UCK2: variants seen among roughly 807,000 people sequenced by gnomAD.
UCK2 encodes the protein uridine-cytidine kinase 2, also known as cytidine monophosphokinase 2.
Under a neutral mutation model 30.8 loss-of-function variants are expected in UCK2, and 6 were observed. That is an observed-to-expected ratio of 0.19 (90% confidence interval 0.11 to 0.38). UCK2 has a LOEUF of 0.38. Ranked by LOEUF, UCK2 falls within the 10% of genes least tolerant of loss-of-function variation. UCK2 has a pLI of 1.00. For synonymous variants in UCK2, 125 were observed against 133.6 expected, an observed-to-expected ratio of 0.94 and a Z score of 0.45; for missense variants, 210 against 339.8, an observed-to-expected ratio of 0.62 and a Z score of 3.00.
chr1:165,905,032 C>G (rs1213185280), intron 5 of UCK2, among the ~76,000 whole-genome samples: 4 of 152,178 alleles, frequency 2.6e-5, no homozygotes, highest in Non-Finnish European at 5.9e-5. Flanking sequence ...TGTCATGTTT[C>G]AGACTATGTG....
rs760526264 is a variant in UCK2, at chr1:165,905,985, G to A, written c.646+16G>A. 1.2e-6 allele frequency: 2 copies of A among 1,611,522 alleles called. No individual in the cohort carries two copies. The highest frequency in any genetic ancestry group is 1.7e-5 in the Admixed American group (1 of 60,016). ...GATAATCTGGGTGAGTCCCTGCAGAGTGTCATCCTGGAGTATAATGTCTGC... is the reference window on the plus strand; with the variant it reads ...GATAATCTGGGTGAGTCCCTGCAGAATGTCATCCTGGAGTATAATGTCTGC... On this transcript the variant is annotated intron_variant, in intron 6 of 6. Transcript: ENST00000367879.
At chr1:165,907,563 G>C in intron 6 of UCK2, 121 bp from the exon 7 acceptor site, 2 of 1,392,022 alleles carry the variant, frequency 1.4e-6, no homozygotes, top group Admixed American at 2.5e-5. Context: ...AAGTGGCAGA[G>C]CCACTTCCCT....
intron 1 of UCK2, among the ~76,000 whole-genome samples, chr1:165,834,118 C>T (rs576343789): frequency 7.9e-5 from 12 of 152,006 alleles, no homozygotes; most frequent in Non-Finnish European, 1.6e-4. Flanking sequence ...TCTTGGATGA[C>T]CTTGGTGGTG....
At chr1:165,870,943 A>G (rs1005982968) in intron 1 of UCK2, among the ~76,000 whole-genome samples, 1 of 152,112 alleles carries the variant, frequency 6.6e-6, no homozygotes, top group African/African-American at 2.4e-5. Flanking sequence ...TCAGCCTCCC[A>G]AGTAGCTGGG....
chr1:165,831,592 A>G (rs908068444), intron 1 of UCK2, among the ~76,000 whole-genome samples: 1 of 152,124 alleles, frequency 6.6e-6, no homozygotes, highest in South Asian at 2.1e-4. Context: ...AACGAGAAAA[A>G]TCTGCTCCAT....
At chr1:165,832,511 G>T (rs1484041177) in intron 1 of UCK2, among the ~76,000 whole-genome samples, 1 of 152,182 alleles carries the variant, frequency 6.6e-6, no homozygotes, top group Non-Finnish European at 1.5e-5. Context: ...TCCCTTTGAA[G>T]TCAGGCATGT....
intron 4 of UCK2, among the ~76,000 whole-genome samples, chr1:165,899,223 C>T (rs1647375931): frequency 6.6e-6 from 1 of 152,180 alleles, no homozygotes; most frequent in Non-Finnish European, 1.5e-5. Context: ...TACCTCCTTC[C>T]TGATGGAAAC....
intron 1 of UCK2, among the ~76,000 whole-genome samples, chr1:165,857,589 C>T (rs1016257830): frequency 2.0e-5 from 3 of 152,034 alleles, no homozygotes; most frequent in Admixed American, 6.6e-5. Flanking sequence ...AAAGGGGGTG[C>T]GGGCATGTGC....
intron 1 of UCK2, among the ~76,000 whole-genome samples, chr1:165,879,964 TA>T: frequency 6.6e-6 from 1 of 152,292 alleles, no homozygotes; most frequent in East Asian, 1.9e-4. Flanking sequence ...GAGGAGAAAT[TA>T]AGAAGAAAAT....
rs1655425753 is a variant in UCK2 at position 165,879,535 on chromosome 1, A to T, written c.100-10669A>T. Among the ~76,000 whole-genome samples the T allele has an allele frequency of 3.7e-5, 3 of 80,498 alleles. No individual in the cohort carries two copies. The South Asian group carries it at 1.3e-3, about 36-fold the overall frequency. The allele number at this position is 80,498 out of a possible 152,430, so 52.8% of individuals were successfully genotyped here. On this transcript the variant is annotated intron_variant, in intron 1 of 6. Transcript: ENST00000367879. ...AAAAGAAAATCATTATATTCAAAGG[A>T]TGTTTGCTTTTTATTATTATTATTA... is the stretch of plus-strand genomic sequence containing the variant.
chr1:165,835,377 A>G (rs1268332434), intron 1 of UCK2, among the ~76,000 whole-genome samples: 1 of 151,494 alleles, frequency 6.6e-6, no homozygotes, highest in Non-Finnish European at 1.5e-5. Context: ...TATTATTATT[A>G]TTATTTCAGA....
Position 165,851,214 on chromosome 1 carries a change from CAGT to C in UCK2, c.99+23286_99+23288del, listed in dbSNP as rs995586649. ...TGAGATCATGTGCCCCCAGGGGCAGCAGTAGTGAGAAAGACGGTTGTGAAAGGC... is the reference window on the plus strand; with the variant it reads ...TGAGATCATGTGCCCCCAGGGGCAGCAGTGAGAAAGACGGTTGTGAAAGGC... On this transcript the variant is annotated intron_variant, in intron 1 of 6. Coordinates refer to ENST00000367879, the MANE Select transcript of UCK2 (RefSeq NM_012474.5). 2.6e-5 allele frequency among the ~76,000 whole-genome samples: 4 copies of C among 152,140 alleles called. No homozygotes were observed. The South Asian group carries it at 8.3e-4, about 31-fold the overall frequency.
At chr1:165,837,692 C>T (rs1654230350) in intron 1 of UCK2, among the ~76,000 whole-genome samples, 1 of 152,172 alleles carries the variant, frequency 6.6e-6, no homozygotes, top group Non-Finnish European at 1.5e-5. Context: ...TTTGTTTTAC[C>T]TCACTATTGC....
At chr1:165,899,963 C>T (rs561876232) in intron 4 of UCK2, among the ~76,000 whole-genome samples, 1 of 152,298 alleles carries the variant, frequency 6.6e-6, no homozygotes, top group Admixed American at 6.5e-5. Flanking sequence ...CATTCTGACC[C>T]ATTCCCCATT....
chr1:165,829,850 TTTTA>T (rs1653999115), intron 1 of UCK2, among the ~76,000 whole-genome samples: 1 of 152,184 alleles, frequency 6.6e-6, no homozygotes, highest in African/African-American at 2.4e-5. Flanking sequence ...TGTTGTACAT[TTTTA>T]TTTATTAATT....
intron 1 of UCK2, among the ~76,000 whole-genome samples, chr1:165,870,999 G>T (rs1014059575): frequency 2.0e-5 from 3 of 152,178 alleles, no homozygotes; most frequent in African/African-American, 7.2e-5. Flanking sequence ...TGTATTTTTA[G>T]TAGAGGAGTT....
chr1:165,849,416 A>G (rs1654537364), intron 1 of UCK2, among the ~76,000 whole-genome samples: 1 of 151,958 alleles, frequency 6.6e-6, no homozygotes, highest in Non-Finnish European at 1.5e-5. Flanking sequence ...GGACCACAGC[A>G]GATTTCTCTA....
At chr1:165,901,533 A>T (rs1382683361) in intron 4 of UCK2, among the ~76,000 whole-genome samples, 2 of 152,200 alleles carry the variant, frequency 1.3e-5, no homozygotes, top group African/African-American at 4.8e-5. Context: ...GTTCGTTTAC[A>T]GTGAGTTTCA....
Position 165,907,663 on chromosome 1 carries a change from C to T in UCK2, c.647-21C>T, listed in dbSNP as rs199953302. On this transcript the variant is annotated intron_variant, in intron 6 of 6. Coordinates refer to ENST00000367879, the MANE Select transcript of UCK2 (RefSeq NM_012474.5). ...CACCCATGCCTGCACCCGTAACGCT[C>T]TGCTGGTCTCTGCCCCACAGTGGCC... 28 of 1,613,448 alleles carry T rather than the reference C, an allele frequency of 1.7e-5. No individual in the cohort carries two copies. In the African/African-American group the frequency reaches 3.2e-4, roughly 18 times the overall value.
Sources: allele counts gnomAD v4.1 joint callset (sites outside exome capture counted in the v4.1 genomes callset), GRCh38; gene constraint gnomAD v4.1.1; transcripts MANE v1.5; gene names NCBI Gene and HGNC (gene_info 2026-07-23, HGNC 2026-07-21).